KSR1: variants seen among roughly 807,000 people sequenced by gnomAD.
The protein encoded by KSR1 is kinase suppressor of ras 1, also known as kinase suppressor of ras.
A neutral mutation model predicts 92.9 loss-of-function variants in KSR1; 35 were observed. That is an observed-to-expected ratio of 0.38 (90% confidence interval 0.29 to 0.50). The LOEUF (loss-of-function observed/expected upper bound fraction) is 0.50, where lower values mean the gene tolerates loss of function less well. Among genes scored for constraint, KSR1 ranks in the 20% least tolerant of loss-of-function variants. The probability of loss-of-function intolerance (pLI) is 0.94; values close to 1 mark genes in which losing one functional copy is unlikely to be tolerated. For missense variants in KSR1, 972 were observed against 1,158.5 expected, an observed-to-expected ratio of 0.84 and a Z score of 2.34; for synonymous variants, 467 against 472.6, an observed-to-expected ratio of 0.99 and a Z score of 0.15.
chr17:27,547,951 G>T (rs1460550825), intron 1 of KSR1, among the ~76,000 whole-genome samples: 2 of 152,150 alleles, frequency 1.3e-5, no homozygotes, highest in Non-Finnish European at 2.9e-5. Context: ...GATTTTAAGT[G>T]ATCCACCTGC....
intron 1 of KSR1, among the ~76,000 whole-genome samples, chr17:27,544,213 T>A (rs1448862773): frequency 6.6e-6 from 1 of 152,166 alleles, no homozygotes; most frequent in African/African-American, 2.4e-5. Flanking sequence ...GGGAGTGGTG[T>A]CAAGGGACTT....
intron 1 of KSR1, among the ~76,000 whole-genome samples, chr17:27,541,501 G>C (rs1247198847): frequency 1.3e-5 from 2 of 152,178 alleles, no homozygotes; most frequent in Non-Finnish European, 2.9e-5. Context: ...TAGAGGGTGT[G>C]GGCAAGCCTG....
At chr17:27,583,173 A>G in intron 4 of KSR1, 68 bp downstream of exon 4, 1 of 1,121,044 alleles carries the variant, frequency 8.9e-7, no homozygotes, top group Non-Finnish European at 1.2e-6. Context: ...AGATATATGG[A>G]AGGACCAATA....
At position 27,617,309 on chromosome 17, in the gene KSR1, C is replaced by A. The variant is rs370809559; in HGVS notation, c.2508C>A (p.Ala836=). Residue 836 remains alanine (A), a synonymous_variant, in exon 19 of 21, where the codon GCC becomes GCA. Coordinates refer to ENST00000644974, the MANE Select transcript of KSR1 (RefSeq NM_001394583.1). ...TCCATTTGCAGGAGATCCTGTCGGCCTGCTGGGCTTTCGACCTGCAGGAGA... is the reference window on the plus strand; with the variant it reads ...TCCATTTGCAGGAGATCCTGTCGGCATGCTGGGCTTTCGACCTGCAGGAGA... ...LGKEVSEILS[A]CWAFDLQERP... The A allele has an allele frequency of 6.2e-7, 1 of 1,609,484 alleles. No homozygotes were observed. The highest frequency in any genetic ancestry group is 1.1e-5 in the South Asian group (1 of 90,494).
intron 1 of KSR1, among the ~76,000 whole-genome samples, chr17:27,523,238 A>C (rs2070114090): frequency 1.3e-5 from 2 of 152,254 alleles, no homozygotes; most frequent in Non-Finnish European, 2.9e-5. Context: ...ATTAGCCAGG[A>C]AATATATCAA....
rs578234664 is a variant in KSR1, at chr17:27,582,897, G to A, written c.772G>A (p.Gly258Ser). The A allele has an allele frequency of 1.6e-5, 26 of 1,612,068 alleles. No individual in the cohort carries two copies. Among genetic ancestry groups the A allele is most frequent in the African/African-American group, 4.0e-5 (3 of 74,642 alleles). ...CACCTGTATTCCCCTGCACGCCAGC[G>A]GCCGGCTGACCCCCCGTGCCCTGCA... The part of the protein sequence containing the change: ...SDTCIPLHAS[G>S]RLTPRALHSF... The change falls in exon 4 of 21, where the codon GGC (glycine) becomes AGC (serine). Residue 258 changes from glycine to serine, a missense_variant. Transcript: ENST00000644974.
At chr17:27,481,229 G>T (rs1478985679) in intron 1 of KSR1, among the ~76,000 whole-genome samples, 7 of 152,048 alleles carry the variant, frequency 4.6e-5, no homozygotes, top group Admixed American at 2.0e-4. Flanking sequence ...TTCACATACT[G>T]CTGTGAGTTA....
chr17:27,605,216 CA>C (rs1477689490), intron 13 of KSR1, among the ~76,000 whole-genome samples: 7 of 152,238 alleles, frequency 4.6e-5, no homozygotes, highest in African/African-American at 1.7e-4. Flanking sequence ...GGCCTCAGGT[CA>C]CCGGGGCCAG....
chr17:27,572,486 G>A (rs1013023368), intron 2 of KSR1, among the ~76,000 whole-genome samples: 11 of 152,178 alleles, frequency 7.2e-5, no homozygotes, highest in African/African-American at 2.2e-4. Flanking sequence ...ACTCCCAGCC[G>A]GGTTCTCCAG....
intron 1 of KSR1, among the ~76,000 whole-genome samples, chr17:27,539,062 AGGGGTTT>A (rs2070863213): frequency 6.6e-6 from 1 of 152,174 alleles, no homozygotes; most frequent in Admixed American, 6.5e-5. Context: ...AGGATAGGTA[AGGGGTTT>A]GGCCCATTGG....
rs751399352 is a variant in KSR1, at chr17:27,592,625, A to T, written c.1298A>T (p.Lys433Met). ...FGTLPKALTK[K>M]EHPPAMNHLD... ...ACCCTCCCCAAAGCACTGACAAAGAAGGTACGCTGGGTAATGCTGGGGAGG... is the reference window on the plus strand; with the variant it reads ...ACCCTCCCCAAAGCACTGACAAAGATGGTACGCTGGGTAATGCTGGGGAGG... The change falls in exon 9 of 21, where the codon AAG becomes ATG. Residue 433 changes from lysine to methionine, a missense_variant and splice_region_variant. By Grantham distance (95) the Lys-to-Met change is moderately conservative. This residue lies in a region of KSR1 where 611 missense variants were observed against 668.0 expected (regional missense o/e 0.91). Coordinates refer to ENST00000644974, the MANE Select transcript of KSR1 (RefSeq NM_001394583.1). 1 of 1,613,372 alleles carries T rather than the reference A, an allele frequency of 6.2e-7. No individual in the cohort carries two copies. The highest frequency in any genetic ancestry group is 2.2e-5 in the East Asian group (1 of 44,868).
intron 2 of KSR1, among the ~76,000 whole-genome samples, chr17:27,552,878 A>T (rs2071446202): frequency 6.6e-6 from 1 of 152,228 alleles, no homozygotes; most frequent in Non-Finnish European, 1.5e-5. Flanking sequence ...CTGGCGTGTC[A>T]TGATGGGTAC....
At position 27,562,415 on chromosome 17, in the gene KSR1, G is replaced by T. The variant is rs548893283; in HGVS notation, c.372+11707G>T. Reference sequence around the variant, plus strand: ...TACAAGGATCTCTGGGGAGGGTGAAGACGAGGTGGCTGCCGGTGGCCTGCT... The same window carrying T: ...TACAAGGATCTCTGGGGAGGGTGAATACGAGGTGGCTGCCGGTGGCCTGCT... On this transcript the variant is annotated intron_variant, in intron 2 of 20. Transcript: ENST00000644974. Among the ~76,000 whole-genome samples the T allele has an allele frequency of 5.2e-5, 8 of 152,384 alleles. No individual in the cohort carries two copies. In the East Asian group the frequency reaches 1.5e-3, roughly 29 times the overall value.
At chr17:27,607,824 C>A in intron 14 of KSR1, 90 bp from the exon 15 acceptor site, 1 of 919,738 alleles carries the variant, frequency 1.1e-6, no homozygotes, top group Non-Finnish European at 1.7e-6. Context: ...TGCAGGCAGA[C>A]GGGCACAGTT....
chr17:27,584,619 GC>G (rs1034080049), intron 4 of KSR1, among the ~76,000 whole-genome samples: 13 of 152,202 alleles, frequency 8.5e-5, no homozygotes, highest in Admixed American at 4.6e-4. Context: ...CTAGAAGGTG[GC>G]AGGGACACAG....
intron 1 of KSR1, among the ~76,000 whole-genome samples, chr17:27,458,080 A>G (rs1334240573): frequency 2.6e-5 from 4 of 152,206 alleles, no homozygotes; most frequent in East Asian, 1.9e-4. Flanking sequence ...CTTAAAAGCT[A>G]TAAAACCACA....
intron 1 of KSR1, among the ~76,000 whole-genome samples, chr17:27,502,346 C>G (rs1398779850): frequency 6.6e-6 from 1 of 152,216 alleles, no homozygotes; most frequent in African/African-American, 2.4e-5. Context: ...GAGGAATCCC[C>G]CAGTGGGTGG....
chr17:27,566,720 T>C (rs2072090689), intron 2 of KSR1: 1 of 396,838 alleles, frequency 2.5e-6, no homozygotes, highest in East Asian at 3.6e-5. Context: ...GCTTGTTTCA[T>C]GACTTCATTC....
intron 1 of KSR1, among the ~76,000 whole-genome samples, chr17:27,468,177 T>C (rs1183034251): frequency 1.3e-5 from 2 of 151,676 alleles, no homozygotes; most frequent in South Asian, 2.1e-4. Flanking sequence ...GTAGAGAGAA[T>C]GTTGTGACCA....
Sources: gnomAD v4.1 joint callset for allele counts (sites outside exome capture counted in the v4.1 genomes callset) on GRCh38, gnomAD v4.1.1 for gene constraint, gnomAD v4.1.1 regional missense constraint, MANE v1.5 for transcripts, NCBI Gene and HGNC (gene_info 2026-07-23, HGNC 2026-07-21) for gene names.